Variants in LHFPL3 observed in about 807,000 individuals in gnomAD.
LHFPL3 encodes LHFPL tetraspan subfamily member 3.
In LHFPL3, 5 loss-of-function variants were observed where a neutral mutation model predicts 19.3. The observed-to-expected ratio is 0.26, with a 90% confidence interval of 0.14 to 0.54. The LOEUF (loss-of-function observed/expected upper bound fraction) is 0.54, where lower values mean the gene tolerates loss of function less well. LHFPL3 is among the 20% of genes least tolerant of loss of function. The pLI is 0.94. For synonymous variants in LHFPL3, 133 were observed against 126.2 expected, an observed-to-expected ratio of 1.05 and a Z score of -0.36; for missense variants, 249 against 307.4, an observed-to-expected ratio of 0.81 and a Z score of 1.42.
chr7:104,651,294 G>A (rs1792030538), intron 1 of LHFPL3, among the ~76,000 whole-genome samples: 2 of 152,228 alleles, frequency 1.3e-5, no homozygotes, highest in East Asian at 1.9e-4. Flanking sequence ...AGGCTTGATT[G>A]TCTGGACTGC....
intron 2 of LHFPL3, among the ~76,000 whole-genome samples, chr7:104,850,325 A>G (rs1312882076): frequency 1.3e-5 from 2 of 152,148 alleles, no homozygotes; most frequent in Non-Finnish European, 2.9e-5. Flanking sequence ...AATAAAAGTA[A>G]TTGCGGTTTT....
rs1477678727 is a variant in LHFPL3, at chr7:104,328,604, C to T, written c.-176C>T. The stretch of plus-strand genomic sequence containing the variant: ...AGGCGAGCCGGAGGGGTGCTCCGCG[C>T]TCCCCCGCCCTCCTTCCGGGAGCGA... On this transcript the variant is annotated 5_prime_UTR_variant, in exon 1 of 3. Transcript: ENST00000424859. This position sits in a 1 kb window ranked among gnomAD's most constrained non-coding sequence, Gnocchi z 4.6. The T allele has an allele frequency of 4.8e-6, 3 of 628,894 alleles. No individual in the cohort carries two copies. Among genetic ancestry groups the T allele is most frequent in the Middle Eastern group, 4.3e-4 (1 of 2,352 alleles). The allele number at this position is 628,894 out of a possible 1,614,324, so 39.0% of individuals were successfully genotyped here.
At chr7:104,505,761 T>C (rs1192344417) in intron 1 of LHFPL3, among the ~76,000 whole-genome samples, 1 of 152,212 alleles carries the variant, frequency 6.6e-6, no homozygotes, top group Non-Finnish European at 1.5e-5. Flanking sequence ...TTAGTCACTG[T>C]TCCAATTACC....
chr7:104,548,949 C>T (rs1794620574), intron 1 of LHFPL3, among the ~76,000 whole-genome samples: 1 of 152,122 alleles, frequency 6.6e-6, no homozygotes, highest in Admixed American at 6.6e-5. Context: ...AATGTGTAGC[C>T]TCTAAGGGAT....
chr7:104,872,681 A>G (rs1302788828), intron 2 of LHFPL3, among the ~76,000 whole-genome samples: 1 of 152,068 alleles, frequency 6.6e-6, no homozygotes, highest in Non-Finnish European at 1.5e-5. Context: ...GGACAGGAAC[A>G]TCAATATCAC....
intron 1 of LHFPL3, among the ~76,000 whole-genome samples, chr7:104,337,562 T>A (rs11772417): frequency 0.24 from 36,420 of 152,004 alleles, 4,834 homozygotes; most frequent in East Asian, 0.39. Context: ...GTAGAAAGAT[T>A]AAAATAAGGC....
At chr7:104,753,322 T>C (rs1361118577) in intron 2 of LHFPL3, among the ~76,000 whole-genome samples, 2 of 152,220 alleles carry the variant, frequency 1.3e-5, no homozygotes, top group Non-Finnish European at 2.9e-5. Flanking sequence ...AATTGATGTA[T>C]ACAGTGATCA....
chr7:104,400,104 C>CAAAAAAAAAAAAAAAAAAAAAAAAAA (rs398005676), intron 1 of LHFPL3, among the ~76,000 whole-genome samples: 3 of 25,738 alleles, frequency 1.2e-4, no homozygotes, highest in Non-Finnish European at 1.7e-4. Flanking sequence ...AACTCCATCT[C>CAAAAAAAAAAAAAAAAAAAAAAAAAA]AAAAAAAAAA....
intron 1 of LHFPL3, chr7:104,668,340 G>A: frequency 6.3e-7 from 1 of 1,595,184 alleles, no homozygotes; most frequent in African/African-American, 1.3e-5. Context: ...AACAGATACA[G>A]ACTGGAGGGC....
At chr7:104,780,273 C>T (rs1794697326) in intron 2 of LHFPL3, among the ~76,000 whole-genome samples, 1 of 152,166 alleles carries the variant, frequency 6.6e-6, no homozygotes, top group South Asian at 2.1e-4. Flanking sequence ...GCAGAGACCC[C>T]GACAGGATTC....
chr7:104,609,694 T>G (rs751572196), intron 1 of LHFPL3, among the ~76,000 whole-genome samples: 61 of 152,216 alleles, frequency 4.0e-4, no homozygotes, highest in Non-Finnish European at 8.5e-4. Flanking sequence ...TTCCTAAATT[T>G]GGCTGGTAAG....
intron 1 of LHFPL3, among the ~76,000 whole-genome samples, chr7:104,613,862 G>A (rs1427073054): frequency 1.3e-5 from 2 of 152,198 alleles, no homozygotes; most frequent in Non-Finnish European, 2.9e-5. Context: ...TAAGCACTGG[G>A]TGAGCTAGTA....
intron 2 of LHFPL3, among the ~76,000 whole-genome samples, chr7:104,783,548 G>T (rs1320549781): frequency 6.6e-6 from 1 of 152,196 alleles, no homozygotes; most frequent in Non-Finnish European, 1.5e-5. Flanking sequence ...GAAATGTAAT[G>T]CACCGACGAT....
chr7:104,675,881 C>A (rs914072578), intron 1 of LHFPL3, among the ~76,000 whole-genome samples: 1 of 152,132 alleles, frequency 6.6e-6, no homozygotes, highest in Non-Finnish European at 1.5e-5. Flanking sequence ...AGTTGTCCCT[C>A]CAAAACTGCT....
At chr7:104,482,955 C>G (rs998116767) in intron 1 of LHFPL3, among the ~76,000 whole-genome samples, 7 of 152,166 alleles carry the variant, frequency 4.6e-5, no homozygotes, top group African/African-American at 1.7e-4. Flanking sequence ...TATTGACGTA[C>G]GTGGGATTTC....
chr7:104,492,313 C>T (rs1193101209), intron 1 of LHFPL3, among the ~76,000 whole-genome samples: 1 of 152,164 alleles, frequency 6.6e-6, no homozygotes, highest in Non-Finnish European at 1.5e-5. Flanking sequence ...AACGGTGGCA[C>T]TCTAAAGCAC....
At chr7:104,523,157 A>T (rs191873585) in intron 1 of LHFPL3, among the ~76,000 whole-genome samples, 26 of 152,224 alleles carry the variant, frequency 1.7e-4, no homozygotes, top group African/African-American at 6.0e-4. Context: ...TATGCTTCTC[A>T]AATTGGTCCT....
In LHFPL3 at chr7:104,824,243, CATTATATATA is replaced by C. The variant is rs1305466848; in HGVS notation, c.683-81933_683-81924del. ...TATTATATACATTATATATTATATA[CATTATATATA>C]ATTATATATATTATATATTATATAC... On this transcript the variant is annotated intron_variant, in intron 2 of 2. Coordinates refer to ENST00000424859, the MANE Select transcript of LHFPL3 (RefSeq NM_199000.3). Among the ~76,000 whole-genome samples the C allele has an allele frequency of 7.7e-3, 10 of 1,298 alleles. 1 individual carries two copies. The highest frequency in any genetic ancestry group is 0.017 in the African/African-American group (10 of 584). The allele number at this position is 1,298 out of a possible 152,430, so 0.9% of individuals were successfully genotyped here.
At position 104,779,642 on chromosome 7, in the gene LHFPL3, G is replaced by A. The variant is rs78008571; in HGVS notation, c.682+42731G>A. ...GGATGAGTGACCTCTGCACAAGGTT[G>A]TGGGAGATCAAGCTCCTGGACTTCT... On this transcript the variant is annotated intron_variant, in intron 2 of 2. Coordinates refer to ENST00000424859, the MANE Select transcript of LHFPL3 (RefSeq NM_199000.3). Among the ~76,000 whole-genome samples, 327 of 152,338 alleles carry A rather than the reference G, an allele frequency of 2.1e-3. 3 individuals carry two copies. Among genetic ancestry groups the A allele is most frequent in the Admixed American group, 5.0e-3 (77 of 15,302 alleles).
Sources: allele counts gnomAD v4.1 joint callset (sites outside exome capture counted in the v4.1 genomes callset), GRCh38; gene constraint gnomAD v4.1.1; non-coding constraint Gnocchi (gnomAD v3.1); transcripts MANE v1.5; gene names NCBI Gene and HGNC (gene_info 2026-07-23, HGNC 2026-07-21).